Variants in MYH14 observed in about 807,000 individuals in gnomAD.
MYH14 encodes the protein myosin heavy chain 14, also known as myosin-14.
In MYH14, 123 loss-of-function variants were observed where a neutral mutation model predicts 255.5. That is an observed-to-expected ratio of 0.48 (90% CI 0.42 to 0.56). The LOEUF is 0.56. Among genes scored for constraint, MYH14 ranks in the 20% least tolerant of loss-of-function variants. MYH14 has a pLI of 0.00. For missense variants in MYH14, 2,423 were observed against 2,802.3 expected (o/e 0.86, Z 3.06); for synonymous variants, 1,095 against 1,161.2 (o/e 0.94, Z 1.16).
chr19:50,244,130 G>T, intron 10 of MYH14, 112 bp from the exon 11 acceptor site: 1 of 822,502 alleles, frequency 1.2e-6, no homozygotes, highest in Non-Finnish European at 2.0e-6. Flanking sequence ...TTTAAGCTGA[G>T]GGGTGGTGAT....
In MYH14 at chr19:50,223,293, C is replaced by A; in HGVS notation, c.637C>A (p.Gln213Lys). ...GACGGAAAACACCAAGAAGGTCATC[C>A]AGTACCTCGCCCACGTGGCGTCGTC... is the stretch of plus-strand genomic sequence containing the variant. ...GKTENTKKVIQYLAHVASSPK... is the reference protein window; with the variant it reads ...GKTENTKKVIKYLAHVASSPK... The change falls in exon 5 of 43, where the codon CAG becomes AAG. Residue 213 changes from glutamine to lysine, a missense_variant. Physicochemically the swap from Gln to Lys is moderately conservative, Grantham distance 53 (BLOSUM62 1). Transcript: ENST00000642316. 1.9e-6 allele frequency: 3 copies of A among 1,606,504 alleles called. No individual in the cohort carries two copies. The highest frequency in any genetic ancestry group is 2.6e-6 in the Non-Finnish European group (3 of 1,176,284).
Position 50,292,273 on chromosome 19 carries a change from G to T in MYH14, c.5140G>T (p.Glu1714Ter). 6.2e-7 allele frequency: 1 copy of T among 1,605,550 alleles called. No homozygotes were observed. The highest frequency in any genetic ancestry group is 1.1e-5 in the South Asian group (1 of 88,612). ...CCGTTCCACCCAGGCCCAGATGAAG[G>T]AGCTATGGCGGGAGGTGGAGGAGAC... ...QLRKMQAQMKELWREVEETRT... is the reference protein window; with the variant it reads ...QLRKMQAQMK The change falls in exon 37 of 43, where the codon GAG becomes TAG. Residue 1714 changes from glutamate (E) to a stop codon, truncating the protein, a stop_gained. Coordinates refer to ENST00000642316, the MANE Select transcript of MYH14 (RefSeq NM_001145809.2). LOFTEE classifies it high-confidence loss of function.
intron 41 of MYH14, among the ~76,000 whole-genome samples, chr19:50,307,426 A>C (rs1187549208): frequency 6.6e-6 from 1 of 152,234 alleles, no homozygotes; most frequent in African/African-American, 2.4e-5. Flanking sequence ...AACCCTACCC[A>C]GAAGCTAGAC....
At chr19:50,307,301 T>G (rs973120195) in intron 41 of MYH14, 144 bp downstream of exon 41, 4 of 594,440 alleles carry the variant, frequency 6.7e-6, no homozygotes, top group Non-Finnish European at 1.2e-5. Flanking sequence ...GATACCATCT[T>G]GGCACTTGGC....
intron 11 of MYH14, among the ~76,000 whole-genome samples, chr19:50,244,673 CG>C (rs2034030869): frequency 6.6e-6 from 1 of 151,874 alleles, no homozygotes; most frequent in South Asian, 2.1e-4. Flanking sequence ...TTAGTAGAGA[CG>C]GAGTGTCACC....
chr19:50,263,499 C>G (rs2034965935), intron 22 of MYH14, 79 bp downstream of exon 22: 1 of 982,656 alleles, frequency 1.0e-6, no homozygotes, highest in East Asian at 2.8e-5. Flanking sequence ...AAGTGACTTC[C>G]TCCATGTGGG....
intron 5 of MYH14, 89 bp from the exon 6 acceptor site, chr19:50,224,065 C>G: frequency 9.0e-7 from 1 of 1,114,568 alleles, no homozygotes; most frequent in Non-Finnish European, 1.4e-6. Context: ...CCCCATGCCA[C>G]CACCTGAGAT....
chr19:50,286,418 G>C (rs535642907), intron 33 of MYH14, 64 bp from the exon 34 acceptor site: 26 of 1,460,144 alleles, frequency 1.8e-5, no homozygotes, highest in Non-Finnish European at 2.4e-5. Flanking sequence ...CCCTCTTCCC[G>C]TTCCCTTGTA....
chr19:50,215,381 A>G (rs956451864), intron 2 of MYH14, among the ~76,000 whole-genome samples: 2 of 152,150 alleles, frequency 1.3e-5, no homozygotes, highest in African/African-American at 4.8e-5. Context: ...GAGGGCAGAC[A>G]CCCAGCAAAC....
intron 27 of MYH14, among the ~76,000 whole-genome samples, chr19:50,273,140 A>G (rs908503080): frequency 6.6e-6 from 1 of 151,952 alleles, no homozygotes; most frequent in Non-Finnish European, 1.5e-5. Context: ...AAAATACAAA[A>G]GTTAGCTGGG....
chr19:50,276,321 C>T lies in MYH14; in HGVS notation c.3680+118C>T. 2.3e-6 allele frequency: 2 copies of T among 869,972 alleles called. No individual in the cohort carries two copies. Among genetic ancestry groups the T allele is most frequent in the South Asian group, 3.8e-5 (2 of 52,736 alleles). 53.9% of individuals were successfully genotyped at this position (869,972 alleles called of 1,614,324 possible). On this transcript the variant is annotated intron_variant, in intron 28 of 42. Coordinates refer to ENST00000642316, the MANE Select transcript of MYH14 (RefSeq NM_001145809.2). The surrounding 1 kb of genome is among the most constrained non-coding windows in gnomAD (Gnocchi z 4.3). ...TACTTATTGTACAGTTGTTCATGAA[C>T]CACCGGCTCTAGGTCCGGCCTGGGT...
At chr19:50,231,535 C>T (rs1439947034) in intron 9 of MYH14, among the ~76,000 whole-genome samples, 1 of 151,856 alleles carries the variant, frequency 6.6e-6, no homozygotes, top group African/African-American at 2.4e-5. Flanking sequence ...TAGTGAGACC[C>T]CCATCTCTGT....
chr19:50,289,520 C>T lies in MYH14; in HGVS notation c.4837C>T (p.Leu1613=), dbSNP rs374550830. The T allele has an allele frequency of 2.5e-6, 4 of 1,613,154 alleles. No individual in the cohort carries two copies. Among genetic ancestry groups the T allele is most frequent in the African/African-American group, 1.3e-5 (1 of 75,028 alleles). The change falls in exon 35 of 43, where the codon CTG becomes TTG. Residue 1613 remains leucine (L), a synonymous_variant. Transcript: ENST00000642316. ...ACAGGTGACAGAACTGGAGGATGAG[C>T]TGACAGCGGCCGAGGATGCCAAGCT... is the stretch of plus-strand genomic sequence containing the variant. ...RAQVTELEDE[L]TAAEDAKLRL...
Position 50,259,040 on chromosome 19 carries a change from G to T in MYH14, c.2233-104G>T, listed in dbSNP as rs1030762568. On this transcript the variant is annotated intron_variant, in intron 18 of 42. Coordinates refer to ENST00000642316, the MANE Select transcript of MYH14 (RefSeq NM_001145809.2). ...AGAACCGTTCCTAGGCACCTAGTAG[G>T]TGCTCAGTAAATTACATGTGGAAAC... 1.7e-5 allele frequency: 24 copies of T among 1,435,002 alleles called. 1 individual carries two copies. Among genetic ancestry groups the T allele is most frequent in the East Asian group, 1.2e-4 (5 of 40,020 alleles). The allele number at this position is 1,435,002 out of a possible 1,614,324, so 88.9% of individuals were successfully genotyped here.
intron 9 of MYH14, among the ~76,000 whole-genome samples, chr19:50,231,533 C>T (rs1022058290): frequency 2.6e-5 from 4 of 152,000 alleles, no homozygotes; most frequent in Non-Finnish European, 4.4e-5. Context: ...CATAGTGAGA[C>T]CCCCATCTCT....
At chr19:50,306,296 T>C (rs895018668) in intron 40 of MYH14, among the ~76,000 whole-genome samples, 1 of 152,078 alleles carries the variant, frequency 6.6e-6, no homozygotes, top group Non-Finnish European at 1.5e-5. Context: ...AAAAGAAGTC[T>C]CTCTCCTTCA....
chr19:50,265,349 C>CAAA (rs768369689), intron 22 of MYH14, among the ~76,000 whole-genome samples: 1 of 96,552 alleles, frequency 1.0e-5, no homozygotes, highest in Non-Finnish European at 2.3e-5. Flanking sequence ...CTCATCTCTA[C>CAAA]AAAAAAAAAA....
intron 24 of MYH14, among the ~76,000 whole-genome samples, chr19:50,270,402 C>G (rs1326727818): frequency 6.6e-6 from 1 of 151,512 alleles, no homozygotes; most frequent in Non-Finnish European, 1.5e-5. Flanking sequence ...TGCCTGTAAT[C>G]CCAGCTACTC....
At position 50,293,218 on chromosome 19, in the gene MYH14, C is replaced by T. The variant is rs1490348654; in HGVS notation, c.5257-15C>T. ...CTTCTCCTCACACCCACCGGCCACC[C>T]CTCCATCATCACAGGAACTGGCCGC... On this transcript the variant is annotated splice_polypyrimidine_tract_variant and intron_variant, in intron 37 of 42. Transcript: ENST00000642316. The surrounding 1 kb of genome is among the most constrained non-coding windows in gnomAD (Gnocchi z 4.1). 1.3e-6 allele frequency: 2 copies of T among 1,588,458 alleles called. No homozygotes were observed. The highest frequency in any genetic ancestry group is 1.8e-5 in the Admixed American group (1 of 56,530).
Sources: allele counts gnomAD v4.1 joint callset (sites outside exome capture counted in the v4.1 genomes callset), GRCh38; gene constraint gnomAD v4.1.1; non-coding constraint Gnocchi (gnomAD v3.1); transcripts MANE v1.5; gene names NCBI Gene and HGNC (gene_info 2026-07-23, HGNC 2026-07-21).